Variants in NRAP observed in about 807,000 individuals in gnomAD.
NRAP encodes the protein nebulin-related-anchoring protein.
A neutral mutation model predicts 225.9 loss-of-function variants in NRAP; 189 were observed. The ratio of observed to expected loss-of-function variants is 0.84; its 90% CI spans 0.74 to 0.94. NRAP has a LOEUF of 0.94. NRAP is among the 40% of genes least tolerant of loss of function. The probability of loss-of-function intolerance (pLI) is 0.00; values close to 1 mark genes in which losing one functional copy is unlikely to be tolerated. For missense variants in NRAP, 2,176 were observed against 2,168.7 expected, an observed-to-expected ratio of 1.00 and a Z score of -0.07; for synonymous variants, 769 against 790.7, an observed-to-expected ratio of 0.97 and a Z score of 0.46.
intron 3 of NRAP, among the ~76,000 whole-genome samples, chr10:113,658,881 CAAAA>C (rs57340533): frequency 6.4e-5 from 5 of 78,156 alleles, no homozygotes; most frequent in Admixed American, 3.0e-4. Context: ...GACCCTGTCT[CAAAA>C]AAAAAAAAAA....
intron 35 of NRAP, among the ~76,000 whole-genome samples, chr10:113,600,155 T>TTCTCTCTCTCTCCCTCTCTCTCTCTC (rs1846511729): frequency 7.1e-6 from 1 of 140,198 alleles, no homozygotes; most frequent in African/African-American, 2.7e-5. Flanking sequence ...AGGGGTTATA[T>TTCTCTCTCTCTCCCTCTCTCTCTCTC]TCTCTCTCTC....
At chr10:113,659,194 T>C (rs1178266845) in intron 3 of NRAP, among the ~76,000 whole-genome samples, 1 of 152,244 alleles carries the variant, frequency 6.6e-6, no homozygotes, top group Non-Finnish European at 1.5e-5. Flanking sequence ...TGTTCGTTTT[T>C]TGTTTTTACC....
chr10:113,659,888 T>C (rs1850552757), intron 3 of NRAP, among the ~76,000 whole-genome samples: 1 of 152,172 alleles, frequency 6.6e-6, no homozygotes, highest in Admixed American at 6.5e-5. Flanking sequence ...AATGAATTTG[T>C]TTTTTATTCA....
chr10:113,641,581 C>T (rs1420282466), intron 12 of NRAP, 109 bp from the exon 13 acceptor site: 11 of 675,636 alleles, frequency 1.6e-5, no homozygotes, highest in African/African-American at 1.6e-4. Flanking sequence ...TTAAATATAA[C>T]CCATTTAAAT....
At chr10:113,631,725 C>T (rs1260520719) in intron 17 of NRAP, 115 bp from the exon 18 acceptor site, 5 of 903,226 alleles carry the variant, frequency 5.5e-6, no homozygotes, top group Non-Finnish European at 5.3e-6. Flanking sequence ...CCCAGTCTTT[C>T]ACAAATCCAG....
intron 3 of NRAP, among the ~76,000 whole-genome samples, chr10:113,658,829 C>CCGACATCA (rs1850476363): frequency 6.7e-6 from 1 of 150,342 alleles, no homozygotes; most frequent in South Asian, 2.1e-4. Flanking sequence ...TTGCAGTGAG[C>CCGACATCA]CGACATCACA....
In NRAP at chr10:113,605,847, C is replaced by T. The variant is rs147324969; in HGVS notation, c.3830G>A (p.Arg1277His). The T allele has an allele frequency of 1.3e-5, 21 of 1,613,788 alleles. No homozygotes were observed. Among genetic ancestry groups the T allele is most frequent in the South Asian group, 3.3e-5 (3 of 91,076 alleles). Residue 1277 changes from arginine (R) to histidine (H), a missense_variant, in exon 34 of 42, where the codon CGT (arginine) becomes CAT (histidine). By Grantham distance (29) the Arg-to-His change is conservative. This residue lies in a region of NRAP where 1,708 missense variants were observed against 1,695.5 expected (regional missense o/e 1.01). Transcript: ENST00000359988. ...CTTGTAGCCTTGAGCACGAAGATTA[C>T]GCCAGGACTCTTTGTATCTTGCCTA... The part of the protein sequence containing the change: ...LSDARYKESW[R>H]NLRAQGYKLT...
intron 38 of NRAP, among the ~76,000 whole-genome samples, chr10:113,593,303 G>C (rs115773307): frequency 2.0e-5 from 3 of 152,110 alleles, no homozygotes; most frequent in African/African-American, 7.2e-5. Flanking sequence ...TCTGTTCTAC[G>C]GGGGATTGGG....
At chr10:113,653,481 A>G (rs1168783707) in intron 5 of NRAP, among the ~76,000 whole-genome samples, 1 of 152,156 alleles carries the variant, frequency 6.6e-6, no homozygotes, top group Non-Finnish European at 1.5e-5. Context: ...TCACCTTAGC[A>G]TTTGTGTTTC....
chr10:113,623,148 A>T (rs1211084802), intron 23 of NRAP, among the ~76,000 whole-genome samples: 2 of 152,200 alleles, frequency 1.3e-5, no homozygotes, highest in African/African-American at 4.8e-5. Flanking sequence ...CTAATGGATG[A>T]TAGAGGTGGG....
chr10:113,631,397 T>A, intron 18 of NRAP, 112 bp downstream of exon 18: 17 of 618,370 alleles, frequency 2.7e-5, no homozygotes, highest in South Asian at 4.7e-5. Flanking sequence ...AAGAAAGGAG[T>A]TGCAGGTAGA....
rs760907622 is a variant in NRAP at position 113,651,842 on chromosome 10, C to T, written c.636G>A (p.Glu212=). Reference sequence around the variant, plus strand: ...GTGCCCCAGCCTTGCTCCGTAGCAGCTCAGGAGTATCCACCACCGTGGAGA... The same window carrying T: ...GTGCCCCAGCCTTGCTCCGTAGCAGTTCAGGAGTATCCACCACCGTGGAGA... ...SRFSTVVDTP[E]LLRSKAGAQL... is the part of the protein sequence containing the mutation. Residue 212 remains glutamate (E), a synonymous_variant, in exon 7 of 42, where the codon GAG becomes GAA. Coordinates refer to ENST00000359988, the MANE Select transcript of NRAP (RefSeq NM_198060.4). The T allele has an allele frequency of 6.8e-6, 11 of 1,613,350 alleles. No individual in the cohort carries two copies. Among genetic ancestry groups the T allele is most frequent in the African/African-American group, 4.0e-5 (3 of 74,914 alleles).
At chr10:113,640,369 A>G in intron 13 of NRAP, 38 bp from the exon 14 acceptor site, 13 of 1,196,662 alleles carry the variant, frequency 1.1e-5, no homozygotes, top group Admixed American at 2.3e-5. Flanking sequence ...GGAGAAATCA[A>G]TTTCTACTTT....
intron 4 of NRAP, 96 bp downstream of exon 4, chr10:113,657,374 A>G: frequency 2.9e-6 from 2 of 695,824 alleles, no homozygotes; most frequent in South Asian, 3.5e-5. Context: ...AAGGAAACCT[A>G]CTTGGTTTTC....
rs878872989 is a variant in NRAP, at chr10:113,624,852, G to A, written c.2323C>T (p.Arg775Ter). 6.2e-6 allele frequency: 10 copies of A among 1,613,978 alleles called. No homozygotes were observed. The highest frequency in any genetic ancestry group is 1.3e-5 in the African/African-American group (1 of 75,034). ...SKDEPLFLQA[R>*]ANAANLSEKL... is the part of the protein sequence containing the mutation. ...TCGCTGAGATTTGCAGCATTGGCTC[G>A]GGCCTGCAGGAAGAGAGGCTCGTCT... The change falls in exon 22 of 42, where the codon CGA becomes TGA. Residue 775 changes from arginine (R) to a stop codon, truncating the protein, a stop_gained. Transcript: ENST00000359988. LOFTEE classifies it high-confidence loss of function.
At chr10:113,662,564 A>G (rs1850746561) in intron 3 of NRAP, 115 bp downstream of exon 3, 1 of 688,632 alleles carries the variant, frequency 1.5e-6, no homozygotes. Flanking sequence ...TTGGAATTGT[A>G]GGTGTGAGCC....
intron 10 of NRAP, 22 bp downstream of exon 10, chr10:113,646,901 G>C: frequency 6.5e-7 from 1 of 1,527,960 alleles, no homozygotes; most frequent in Non-Finnish European, 9.1e-7. Flanking sequence ...TGGCTCTGTG[G>C]TCACACCTAC....
At chr10:113,620,836 A>C (rs1847945613) in intron 24 of NRAP, 128 bp from the exon 25 acceptor site, 1 of 687,098 alleles carries the variant, frequency 1.5e-6, no homozygotes, top group East Asian at 2.5e-5. Flanking sequence ...CTTTTGTCTT[A>C]TGCATTTCTG....
chr10:113,641,827 G>T (rs1246900238), intron 12 of NRAP, among the ~76,000 whole-genome samples: 1 of 152,180 alleles, frequency 6.6e-6, no homozygotes, highest in African/African-American at 2.4e-5. Context: ...CACTGACTAT[G>T]CGGACGTCAC....
Sources: gnomAD v4.1 joint callset for allele counts (sites outside exome capture counted in the v4.1 genomes callset) on GRCh38, gnomAD v4.1.1 for gene constraint, gnomAD v4.1.1 regional missense constraint, MANE v1.5 for transcripts, NCBI Gene and HGNC (gene_info 2026-07-23, HGNC 2026-07-21) for gene names.